Variants in KCNK12 observed in about 807,000 individuals in gnomAD.
KCNK12 encodes potassium two pore domain channel subfamily K member 12, also known as potassium channel subfamily K member 12.
In KCNK12, 6 loss-of-function variants were observed where a neutral mutation model predicts 25.3. The ratio of observed to expected loss-of-function variants is 0.24; its 90% CI spans 0.13 to 0.47. KCNK12 has a LOEUF of 0.47. Ranked by LOEUF, KCNK12 falls within the 20% of genes least tolerant of loss-of-function variation. The probability of loss-of-function intolerance (pLI) is 0.99; values close to 1 mark genes in which losing one functional copy is unlikely to be tolerated. For synonymous variants in KCNK12, 331 were observed against 311.1 expected (o/e 1.06, Z -0.67); for missense variants, 444 against 661.7 (o/e 0.67, Z 3.61).
chr2:47,534,941 C>G, intron 1 of KCNK12: 2 of 221,766 alleles, frequency 9.0e-6, no homozygotes, highest in Non-Finnish European at 1.8e-5. Flanking sequence ...TGGATAGTTC[C>G]AAGCCCTCTC....
rs1380980313 is a variant in KCNK12, at chr2:47,533,676, C to A, written c.392-11868G>T. Among the ~76,000 whole-genome samples the A allele has an allele frequency of 2.0e-5, 3 of 152,172 alleles. No individual in the cohort carries two copies. The highest frequency in any genetic ancestry group is 1.3e-4 in the Admixed American group (2 of 15,284). On this transcript the variant is annotated intron_variant, in intron 1 of 1. Coordinates refer to ENST00000327876, the MANE Select transcript of KCNK12 (RefSeq NM_022055.2). This position sits in a 1 kb window ranked among gnomAD's most constrained non-coding sequence, Gnocchi z 4.7. ...AGGAGGCCCGGCTAGAGGTTAGGCA[C>A]CATCTTTTCCAGTCCCCAAAGTGAG...
chr2:47,564,337 C>T, intron 1 of KCNK12: 1 of 229,044 alleles, frequency 4.4e-6, no homozygotes, highest in East Asian at 6.2e-5. Context: ...AGCAATTTCA[C>T]CAGCTGGAAG....
rs376895167 is a variant in KCNK12, at chr2:47,540,277, T to G, written c.392-18469A>C. ...TCAACCCCCTCCCTCATGTGTGTAC[T>G]CACAGCTACTCACTTTCCTACTCTG... On this transcript the variant is annotated intron_variant, in intron 1 of 1. Coordinates refer to ENST00000327876, the MANE Select transcript of KCNK12 (RefSeq NM_022055.2). This position sits in a 1 kb window ranked among gnomAD's most constrained non-coding sequence, Gnocchi z 5.4. Among the ~76,000 whole-genome samples, 6 of 152,180 alleles carry G rather than the reference T, an allele frequency of 3.9e-5. No individual in the cohort carries two copies. The East Asian group carries it at 9.6e-4, about 24-fold the overall frequency.
intron 1 of KCNK12, chr2:47,535,077 T>G (rs17036651): frequency 0.16 from 36,203 of 229,798 alleles, 2,997 homozygotes; most frequent in African/African-American, 0.17. Flanking sequence ...GACGACTCAA[T>G]GCACAGAGGC....
chr2:47,570,058 C>G lies in KCNK12; in HGVS notation c.274G>C (p.Ala92Pro). The G allele has an allele frequency of 7.1e-7, 1 of 1,412,132 alleles. No homozygotes were observed. Among genetic ancestry groups the G allele is most frequent in the Non-Finnish European group, 9.2e-7 (1 of 1,083,886 alleles). The allele number at this position is 1,412,132 out of a possible 1,614,324, so 87.5% of individuals were successfully genotyped here. A position where few individuals can be genotyped will look rare whatever the true frequency, so the allele number is the denominator to read the frequency against. Residue 92 changes from alanine to proline, a missense_variant, in exon 1 of 2, where the codon GCC (alanine) becomes CCC (proline). Ala to Pro is a conservative substitution (Grantham distance 27, BLOSUM62 -1). Around this residue, in one of 8 missense-constraint regions of KCNK12, gnomAD observed 106 missense variants for 142.2 expected, o/e 0.75. Transcript: ENST00000327876. ...GCGGCCTCGTAGTGCCGGAGGAAGGCGCGCAGCTCTGGCTCGGCCACGCCG... is the reference window on the plus strand; with the variant it reads ...GCGGCCTCGTAGTGCCGGAGGAAGGGGCGCAGCTCTGGCTCGGCCACGCCG... ...AHGVAEPELRAFLRHYEAALA... is the reference protein window; with the variant it reads ...AHGVAEPELRPFLRHYEAALA...
intron 1 of KCNK12, among the ~76,000 whole-genome samples, chr2:47,561,718 T>C (rs1669676108): frequency 6.6e-6 from 1 of 152,128 alleles, no homozygotes; most frequent in African/African-American, 2.4e-5. Context: ...GTAAGAACCA[T>C]CATGGTCTTC....
Position 47,528,912 on chromosome 2 carries a change from C to T in KCNK12, c.392-7104G>A, listed in dbSNP as rs1195928599. Among the ~76,000 whole-genome samples, 1 of 151,930 alleles carries T rather than the reference C, an allele frequency of 6.6e-6. No homozygotes were observed. The highest frequency in any genetic ancestry group is 1.5e-5 in the Non-Finnish European group (1 of 67,992). On this transcript the variant is annotated intron_variant, in intron 1 of 1. Transcript: ENST00000327876. The surrounding 1 kb of genome is among the most constrained non-coding windows in gnomAD (Gnocchi z 4.5). The stretch of plus-strand genomic sequence containing the variant: ...CGGTTGGGCCCTTGACACACTCCTC[C>T]CATCCAGGCCCCCAGCCACCCTGTG...
In KCNK12 at chr2:47,566,378, C is replaced by T. The variant is rs1474651086; in HGVS notation, c.391+3563G>A. On this transcript the variant is annotated intron_variant, in intron 1 of 1. Coordinates refer to ENST00000327876, the MANE Select transcript of KCNK12 (RefSeq NM_022055.2). The surrounding 1 kb of genome is among the most constrained non-coding windows in gnomAD (Gnocchi z 4.1). The stretch of plus-strand genomic sequence containing the variant: ...CCCATTCCTGCTCCTTCTTCCCCTC[C>T]TCTATACACATGTGCTCTCAAGAGT... 6.6e-6 allele frequency: 1 copy of T among 152,114 alleles called. No individual in the cohort carries two copies. Among genetic ancestry groups the T allele is most frequent in the Non-Finnish European group, 1.5e-5 (1 of 68,036 alleles). The allele number at this position is 152,114 out of a possible 1,614,324, so 9.4% of individuals were successfully genotyped here.
intron 1 of KCNK12, among the ~76,000 whole-genome samples, chr2:47,537,944 C>T (rs1669111514): frequency 6.6e-6 from 1 of 152,118 alleles, no homozygotes; most frequent in African/African-American, 2.4e-5. Flanking sequence ...GGCAGTTGGG[C>T]ACAAGGTCTG....
chr2:47,562,375 T>C lies in KCNK12; in HGVS notation c.391+7566A>G. 1 of 354,014 alleles carries C rather than the reference T, an allele frequency of 2.8e-6. No homozygotes were observed. 21.9% of individuals were successfully genotyped at this position (354,014 alleles called of 1,614,324 possible). A position where few individuals can be genotyped will look rare whatever the true frequency, so the allele number is the denominator to read the frequency against. Reference sequence around the variant, plus strand: ...CCTTGGAATGAGATCCTCTGGGATCTGGAGGAAGCAGATGGAGGAGAAACC... The same window carrying C: ...CCTTGGAATGAGATCCTCTGGGATCCGGAGGAAGCAGATGGAGGAGAAACC... On this transcript the variant is annotated intron_variant, in intron 1 of 1. Coordinates refer to ENST00000327876, the MANE Select transcript of KCNK12 (RefSeq NM_022055.2). The surrounding 1 kb of genome is among the most constrained non-coding windows in gnomAD (Gnocchi z 4.8).
At chr2:47,546,335 G>A (rs192313337) in intron 1 of KCNK12, among the ~76,000 whole-genome samples, 2 of 152,364 alleles carry the variant, frequency 1.3e-5, no homozygotes, top group East Asian at 3.9e-4. Flanking sequence ...AGAGGACTTT[G>A]TGTGTCAATA....
In KCNK12 at chr2:47,555,388, T is replaced by C. The variant is rs1290216627; in HGVS notation, c.391+14553A>G. On this transcript the variant is annotated intron_variant, in intron 1 of 1. Transcript: ENST00000327876. This position sits in a 1 kb window ranked among gnomAD's most constrained non-coding sequence, Gnocchi z 4.5. ...TTGCCAAGGTGTCCTCCTTACCCTCTCTGTACTCTTAATCACTGGGGACCC... is the reference window on the plus strand; with the variant it reads ...TTGCCAAGGTGTCCTCCTTACCCTCCCTGTACTCTTAATCACTGGGGACCC... Among the ~76,000 whole-genome samples, 2 of 152,218 alleles carry C rather than the reference T, an allele frequency of 1.3e-5. No homozygotes were observed. The highest frequency in any genetic ancestry group is 1.5e-5 in the Non-Finnish European group (1 of 68,042).
rs1401878463 is a variant in KCNK12 at position 47,566,428 on chromosome 2, ACACG to A, written c.391+3509_391+3512del. Reference sequence around the variant, plus strand: ...TGTGTGTGTGCACGTGTGTACACACACACGTGCACACACACATACACACACTGGT... The same window carrying A: ...TGTGTGTGTGCACGTGTGTACACACATGCACACACACATACACACACTGGT... On this transcript the variant is annotated intron_variant, in intron 1 of 1. Transcript: ENST00000327876. This position sits in a 1 kb window ranked among gnomAD's most constrained non-coding sequence, Gnocchi z 4.1. 6.6e-6 allele frequency: 1 copy of A among 151,846 alleles called. No individual in the cohort carries two copies. Among genetic ancestry groups the A allele is most frequent in the African/African-American group, 2.4e-5 (1 of 41,402 alleles). The allele number at this position is 151,846 out of a possible 1,614,324, so 9.4% of individuals were successfully genotyped here.
rs969373491 is a variant in KCNK12 at position 47,551,751 on chromosome 2, G to A, written c.391+18190C>T. ...AAAAATATTTTGGTGCTAGTCCTGG[G>A]GAAGGCAGATTATTGGTTTAAGATT... is the stretch of plus-strand genomic sequence containing the variant. On this transcript the variant is annotated intron_variant, in intron 1 of 1. Transcript: ENST00000327876. This position sits in a 1 kb window ranked among gnomAD's most constrained non-coding sequence, Gnocchi z 5.3. 6.6e-6 allele frequency among the ~76,000 whole-genome samples: 1 copy of A among 152,222 alleles called. No homozygotes were observed. The highest frequency in any genetic ancestry group is 1.5e-5 in the Non-Finnish European group (1 of 68,044).
Position 47,565,736 on chromosome 2 carries a change from G to C in KCNK12, c.391+4205C>G, listed in dbSNP as rs1482385583. ...AACATCCTTTAGGATGTGAAGTGATGGGTTAATTCTGTTTGGATTGTTTGG... is the reference window on the plus strand; with the variant it reads ...AACATCCTTTAGGATGTGAAGTGATCGGTTAATTCTGTTTGGATTGTTTGG... On this transcript the variant is annotated intron_variant, in intron 1 of 1. Transcript: ENST00000327876. This position sits in a 1 kb window ranked among gnomAD's most constrained non-coding sequence, Gnocchi z 5.0. 6.6e-6 allele frequency: 1 copy of C among 152,198 alleles called. No individual in the cohort carries two copies. The highest frequency in any genetic ancestry group is 6.5e-5 in the Admixed American group (1 of 15,280). 9.4% of individuals were successfully genotyped at this position (152,198 alleles called of 1,614,324 possible).
At position 47,512,298 on chromosome 2, in the gene KCNK12, T is replaced by G. The variant is rs747193684; in HGVS notation, c.*8609A>C. The G allele has an allele frequency of 1.9e-6, 3 of 1,612,444 alleles. No individual in the cohort carries two copies. Among genetic ancestry groups the G allele is most frequent in the Non-Finnish European group, 2.5e-6 (3 of 1,179,758 alleles). On this transcript the variant is annotated 3_prime_UTR_variant, in exon 2 of 2. Transcript: ENST00000327876. ...CATTTTCTCCTCTCTTCTCCTTCCT[T>G]TCAGAACCTCAGAGTGACAGAGCCA...
rs1283286101 is a variant in KCNK12 at position 47,536,555 on chromosome 2, G to C, written c.392-14747C>G. ...GAGACCTGCTGTGTGCCAGACATGA[G>C]GGCAGGGGAAGGAAGACTATGGTGA... On this transcript the variant is annotated intron_variant, in intron 1 of 1. Transcript: ENST00000327876. 2.0e-5 allele frequency among the ~76,000 whole-genome samples: 3 copies of C among 152,184 alleles called. 1 individual carries two copies. Among genetic ancestry groups the C allele is most frequent in the African/African-American group, 4.8e-5 (2 of 41,430 alleles).
chr2:47,560,736 A>G lies in KCNK12; in HGVS notation c.391+9205T>C, dbSNP rs1246632956. 6.6e-6 allele frequency among the ~76,000 whole-genome samples: 1 copy of G among 152,212 alleles called. No homozygotes were observed. Among genetic ancestry groups the G allele is most frequent in the Non-Finnish European group, 1.5e-5 (1 of 68,042 alleles). On this transcript the variant is annotated intron_variant, in intron 1 of 1. Transcript: ENST00000327876. The surrounding 1 kb of genome is among the most constrained non-coding windows in gnomAD (Gnocchi z 4.7). The stretch of plus-strand genomic sequence containing the variant: ...AGATAAAAACACAGTGAACTGGCAA[A>G]CATGACATGTGGCAGGGAGGGGAGT...
At position 47,547,380 on chromosome 2, in the gene KCNK12, T is replaced by A. The variant is rs551048696; in HGVS notation, c.391+22561A>T. Among the ~76,000 whole-genome samples the A allele has an allele frequency of 1.4e-4, 22 of 152,322 alleles. No homozygotes were observed. In the South Asian group the frequency reaches 4.6e-3, roughly 32 times the overall value. On this transcript the variant is annotated intron_variant, in intron 1 of 1. Transcript: ENST00000327876. This position sits in a 1 kb window ranked among gnomAD's most constrained non-coding sequence, Gnocchi z 5.0. Reference sequence around the variant, plus strand: ...AGGGCACAACCTGGGCATCAAGGCTTAAAAACTCCCAGGTAATTTTAATAT... The same window carrying A: ...AGGGCACAACCTGGGCATCAAGGCTAAAAAACTCCCAGGTAATTTTAATAT...
Sources: allele counts gnomAD v4.1 joint callset (sites outside exome capture counted in the v4.1 genomes callset), GRCh38; gene constraint gnomAD v4.1.1; regional missense constraint gnomAD v4.1.1; non-coding constraint Gnocchi (gnomAD v3.1); transcripts MANE v1.5; gene names NCBI Gene and HGNC (gene_info 2026-07-23, HGNC 2026-07-21).